PPARGC1A: variants seen among roughly 807,000 people sequenced by gnomAD.
PPARGC1A encodes PPARG coactivator 1 alpha.
PPARGC1A carries 25 observed loss-of-function variants against 88.7 expected under a neutral mutation model. The ratio of observed to expected loss-of-function variants is 0.28; its 90% CI spans 0.21 to 0.39. PPARGC1A has a LOEUF of 0.39. Among genes scored for constraint, PPARGC1A ranks in the 10% least tolerant of loss-of-function variants. PPARGC1A has a pLI of 1.00. For missense variants in PPARGC1A, 880 were observed against 968.7 expected (o/e 0.91, Z 1.22); for synonymous variants, 363 against 355.6 (o/e 1.02, Z -0.24).
the PPARGC1A span, among the ~76,000 whole-genome samples, chr4:24,198,215 AT>A: frequency 6.6e-6 from 1 of 152,350 alleles, no homozygotes; most frequent in African/African-American, 2.4e-5. Flanking sequence ...ATCTGCATAA[AT>A]TGGAACCTCT....
the PPARGC1A span, among the ~76,000 whole-genome samples, chr4:24,263,456 T>TACACACATGTGGGTGTATACAC: frequency 2.0e-5 from 3 of 150,190 alleles, no homozygotes; most frequent in South Asian, 2.1e-4. Flanking sequence ...TGTGGGTGTA[T>TACACACATGTGGGTGTATACAC]ACACACACAC....
the PPARGC1A span, among the ~76,000 whole-genome samples, chr4:24,167,427 A>C: frequency 1.3e-5 from 2 of 152,204 alleles, no homozygotes; most frequent in Non-Finnish European, 1.5e-5. Flanking sequence ...ATATTACATA[A>C]ACTTAGTTGA....
chr4:24,083,520 T>C, the PPARGC1A span, among the ~76,000 whole-genome samples: 7 of 152,136 alleles, frequency 4.6e-5, no homozygotes, highest in African/African-American at 1.7e-4. Context: ...TTTTATACCA[T>C]CTTTGCCAAC....
chr4:23,944,388 C>G, the PPARGC1A span, among the ~76,000 whole-genome samples: 2 of 152,304 alleles, frequency 1.3e-5, no homozygotes, highest in Middle Eastern at 3.4e-3. Flanking sequence ...GCACAGATCC[C>G]ACGTATTTAC....
At chr4:24,130,123 A>G in the PPARGC1A span, among the ~76,000 whole-genome samples, 2 of 152,196 alleles carry the variant, frequency 1.3e-5, no homozygotes, top group African/African-American at 2.4e-5. Flanking sequence ...CGTTGTGCAC[A>G]TGTACCCTAA....
the PPARGC1A span, among the ~76,000 whole-genome samples, chr4:24,264,185 G>A: frequency 1.3e-5 from 2 of 152,190 alleles, no homozygotes; most frequent in Non-Finnish European, 2.9e-5. Flanking sequence ...ACTATCAGTA[G>A]TTAAGTTTTG....
At chr4:24,156,741 T>C in the PPARGC1A span, among the ~76,000 whole-genome samples, 1 of 151,894 alleles carries the variant, frequency 6.6e-6, no homozygotes, top group African/African-American at 2.4e-5. Context: ...TCTCTCTTTT[T>C]TTTTTTTTTT....
chr4:24,356,393 C>T, the PPARGC1A span, among the ~76,000 whole-genome samples: 1 of 152,190 alleles, frequency 6.6e-6, no homozygotes, highest in East Asian at 1.9e-4. Context: ...CCCTAATTAA[C>T]TTGCTAATTG....
the PPARGC1A span, among the ~76,000 whole-genome samples, chr4:24,221,523 T>C: frequency 6.6e-6 from 1 of 152,106 alleles, no homozygotes; most frequent in Admixed American, 6.5e-5. Context: ...AAAACTAAAA[T>C]TTCATATAAA....
At chr4:24,029,019 A>G in the PPARGC1A span, among the ~76,000 whole-genome samples, 1 of 152,224 alleles carries the variant, frequency 6.6e-6, no homozygotes, top group Non-Finnish European at 1.5e-5. Context: ...TAGTTAGAGA[A>G]GCAGATTAGA....
the PPARGC1A span, among the ~76,000 whole-genome samples, chr4:24,108,856 GA>G: frequency 2.6e-5 from 4 of 151,464 alleles, no homozygotes; most frequent in African/African-American, 7.3e-5. Context: ...AAACTTAGGG[GA>G]AAAAAAAGGA....
chr4:24,467,698 G>C, the PPARGC1A span, among the ~76,000 whole-genome samples: 1 of 151,220 alleles, frequency 6.6e-6, no homozygotes, highest in Non-Finnish European at 1.5e-5. Flanking sequence ...ACAAGCTTTC[G>C]ACAACTTACC....
the PPARGC1A span, among the ~76,000 whole-genome samples, chr4:24,051,372 T>C: frequency 0.02 from 3,016 of 152,240 alleles, 54 homozygotes; most frequent in Middle Eastern, 0.048. Flanking sequence ...AAAAAAGCTA[T>C]ATTCTATCAT....
chr4:24,470,764 C>CGCT, the PPARGC1A span, among the ~76,000 whole-genome samples: 4 of 151,494 alleles, frequency 2.6e-5, no homozygotes, highest in Non-Finnish European at 5.9e-5. This position sits in a 1 kb window ranked among gnomAD's most constrained non-coding sequence, Gnocchi z 5.8. Flanking sequence ...CGCCGCCTCC[C>CGCT]GCTGCTGCTG....
chr4:24,410,387 G>A, the PPARGC1A span, among the ~76,000 whole-genome samples: 20 of 152,132 alleles, frequency 1.3e-4, no homozygotes, highest in South Asian at 1.2e-3. Context: ...AAAGTTTTGC[G>A]TGTGTTCATC....
At chr4:23,834,346 G>A (rs1234318993) in intron 2 of PPARGC1A, among the ~76,000 whole-genome samples, 1 of 151,624 alleles carries the variant, frequency 6.6e-6, no homozygotes, top group African/African-American at 2.4e-5. Flanking sequence ...TAAATTAGCT[G>A]GGTGTGGTAG....
the PPARGC1A span, among the ~76,000 whole-genome samples, chr4:24,293,183 C>G: frequency 2.9e-4 from 2 of 6,838 alleles, no homozygotes. Context: ...CAGCCCCACT[C>G]CTGCCTGTGC....
chr4:24,082,629 CAAAAGG>C, the PPARGC1A span, among the ~76,000 whole-genome samples: 4 of 151,960 alleles, frequency 2.6e-5, no homozygotes, highest in Non-Finnish European at 4.4e-5. Context: ...CATTTTTTTT[CAAAAGG>C]AAAACTTGAT....
At chr4:24,175,460 T>G in the PPARGC1A span, among the ~76,000 whole-genome samples, 1 of 145,206 alleles carries the variant, frequency 6.9e-6, no homozygotes, top group Non-Finnish European at 1.5e-5. Flanking sequence ...CTGCAACCTC[T>G]GACTTCCAGG....
Sources: allele counts gnomAD v4.1 joint callset (sites outside exome capture counted in the v4.1 genomes callset), GRCh38; gene constraint gnomAD v4.1.1; non-coding constraint Gnocchi (gnomAD v3.1); transcripts MANE v1.5; gene names NCBI Gene and HGNC (gene_info 2026-07-23, HGNC 2026-07-21).